NECAB1: variants seen among roughly 807,000 people sequenced by gnomAD.
The protein encoded by NECAB1 is N-terminal EF-hand calcium binding protein 1.
NECAB1 carries 29 observed loss-of-function variants against 57.5 expected under a neutral mutation model. The ratio of observed to expected loss-of-function variants is 0.50; its 90% CI spans 0.38 to 0.69. NECAB1 has a LOEUF of 0.69. NECAB1 is among the 30% of genes least tolerant of loss of function. The pLI is 0.00. For synonymous variants in NECAB1, 142 were observed against 147.7 expected, an observed-to-expected ratio of 0.96 and a Z score of 0.28; for missense variants, 372 against 413.8, an observed-to-expected ratio of 0.90 and a Z score of 0.88.
At chr8:90,834,627 A>G (rs967332721) in intron 3 of NECAB1, among the ~76,000 whole-genome samples, 2 of 152,202 alleles carry the variant, frequency 1.3e-5, no homozygotes, top group African/African-American at 4.8e-5. Flanking sequence ...AGTCTGAAGT[A>G]TTTGTTAGAG....
At chr8:90,925,475 C>T in intron 6 of NECAB1, 60 bp from the exon 7 acceptor site, 1 of 1,577,160 alleles carries the variant, frequency 6.3e-7, no homozygotes, top group Non-Finnish European at 8.6e-7. Context: ...AAGATCTCTT[C>T]CCTGAAGGAA....
chr8:90,911,726 C>G (rs1809835100), intron 5 of NECAB1, among the ~76,000 whole-genome samples: 1 of 152,128 alleles, frequency 6.6e-6, no homozygotes. Flanking sequence ...ACATATTTGT[C>G]CTAGCAATAA....
chr8:90,811,341 G>A (rs1811957441), intron 2 of NECAB1, among the ~76,000 whole-genome samples: 1 of 152,056 alleles, frequency 6.6e-6, no homozygotes, highest in South Asian at 2.1e-4. Context: ...ATTTCAATGC[G>A]TTCACAATGC....
rs1190097165 is a variant in NECAB1, at chr8:90,947,323, C to T, written c.861-2484C>T. Reference sequence around the variant, plus strand: ...ACACATACACACACACACACACACACACACACACACACACACACACACACA... The same window carrying T: ...ACACATACACACACACACACACACATACACACACACACACACACACACACA... On this transcript the variant is annotated intron_variant, in intron 10 of 12. Transcript: ENST00000417640. Among the ~76,000 whole-genome samples, 62 of 148,704 alleles carry T rather than the reference C, an allele frequency of 4.2e-4. 1 individual carries two copies. The highest frequency in any genetic ancestry group is 3.6e-3 in the Admixed American group (53 of 14,756).
chr8:90,853,355 T>C (rs765785945), intron 3 of NECAB1, among the ~76,000 whole-genome samples: 12 of 152,328 alleles, frequency 7.9e-5, no homozygotes, highest in Non-Finnish European at 1.6e-4. Context: ...GTGAGTCCCA[T>C]GAATGGGACA....
At chr8:90,811,771 C>G (rs970105460) in intron 2 of NECAB1, among the ~76,000 whole-genome samples, 1 of 152,082 alleles carries the variant, frequency 6.6e-6, no homozygotes, top group Non-Finnish European at 1.5e-5. Context: ...TGAGATAGTA[C>G]CTAGAACCCA....
intron 5 of NECAB1, among the ~76,000 whole-genome samples, chr8:90,911,651 T>C (rs1201469670): frequency 6.6e-6 from 1 of 152,098 alleles, no homozygotes; most frequent in Non-Finnish European, 1.5e-5. Flanking sequence ...GTAGAAAATA[T>C]GTGTCAAAAA....
At chr8:90,805,257 A>G (rs1811828479) in intron 2 of NECAB1, among the ~76,000 whole-genome samples, 1 of 152,230 alleles carries the variant, frequency 6.6e-6, no homozygotes, top group Admixed American at 6.5e-5. Flanking sequence ...TGCTACATGT[A>G]TTTGAGCTCT....
chr8:90,926,462 G>A (rs1171459299), intron 7 of NECAB1, among the ~76,000 whole-genome samples: 2 of 152,154 alleles, frequency 1.3e-5, no homozygotes, highest in African/African-American at 2.4e-5. Context: ...AAACAAGCCT[G>A]GGAAGTTAAG....
rs1255707072 is a variant in NECAB1 at position 90,956,852 on chromosome 8, TCA to T, written c.*1341_*1342del. On this transcript the variant is annotated 3_prime_UTR_variant, in exon 13 of 13. Coordinates refer to ENST00000417640, the MANE Select transcript of NECAB1 (RefSeq NM_022351.5). ...CTTTTACCAATACCTTTGTATACTC[TCA>T]GTTCTCATTCAGTATAAATAAAATT... 2.0e-5 allele frequency: 3 copies of T among 152,374 alleles called. No individual in the cohort carries two copies. Among genetic ancestry groups the T allele is most frequent in the African/African-American group, 7.2e-5 (3 of 41,386 alleles). The allele number at this position is 152,374 out of a possible 1,614,324, so 9.4% of individuals were successfully genotyped here.
intron 9 of NECAB1, among the ~76,000 whole-genome samples, chr8:90,939,979 CCTTA>C (rs1201473634): frequency 6.6e-6 from 1 of 152,198 alleles, no homozygotes; most frequent in Non-Finnish European, 1.5e-5. Context: ...TCATGCCAAT[CCTTA>C]CTTTGATTTG....
chr8:90,796,467 T>A (rs1240961773), intron 1 of NECAB1, among the ~76,000 whole-genome samples: 1 of 152,244 alleles, frequency 6.6e-6, no homozygotes, highest in Non-Finnish European at 1.5e-5. Context: ...CAGTAAATTA[T>A]GATTGTGTCC....
intron 3 of NECAB1, among the ~76,000 whole-genome samples, chr8:90,855,313 T>G (rs1384966791): frequency 6.6e-6 from 1 of 152,170 alleles, no homozygotes; most frequent in African/African-American, 2.4e-5. Context: ...GGAATAGCCT[T>G]TCTGGGATGA....
intron 5 of NECAB1, among the ~76,000 whole-genome samples, chr8:90,890,714 G>A (rs993779437): frequency 6.6e-6 from 1 of 152,044 alleles, no homozygotes; most frequent in Non-Finnish European, 1.5e-5. Flanking sequence ...AAACAAAGAG[G>A]GTTCCAGATT....
intron 2 of NECAB1, among the ~76,000 whole-genome samples, chr8:90,811,967 G>A (rs553098621): frequency 6.6e-6 from 1 of 152,196 alleles, no homozygotes; most frequent in Non-Finnish European, 1.5e-5. Context: ...GATGATGGGT[G>A]CATAAAGCTG....
chr8:90,801,824 T>C, intron 2 of NECAB1, 109 bp downstream of exon 2: 2 of 727,188 alleles, frequency 2.8e-6, no homozygotes, highest in Non-Finnish European at 4.5e-6. Context: ...ACATATAAAA[T>C]ACTACCTTAT....
At chr8:90,796,718 A>G (rs1586027365) in intron 1 of NECAB1, among the ~76,000 whole-genome samples, 1 of 152,226 alleles carries the variant, frequency 6.6e-6, no homozygotes, top group African/African-American at 2.4e-5. Context: ...AGATCGGCTG[A>G]CACAGATTAT....
intron 3 of NECAB1, among the ~76,000 whole-genome samples, chr8:90,856,742 T>C (rs1273373314): frequency 6.6e-6 from 1 of 152,158 alleles, no homozygotes; most frequent in East Asian, 1.9e-4. Flanking sequence ...TCTGCCAGTA[T>C]CCTTACCTCT....
chr8:90,956,023 T>C lies in NECAB1; in HGVS notation c.*511T>C, dbSNP rs982657271. The C allele has an allele frequency of 6.6e-6, 1 of 152,192 alleles. No homozygotes were observed. Among genetic ancestry groups the C allele is most frequent in the Non-Finnish European group, 1.5e-5 (1 of 68,070 alleles). 9.4% of individuals were successfully genotyped at this position (152,192 alleles called of 1,614,324 possible). A position where few individuals can be genotyped will look rare whatever the true frequency, so the allele number is the denominator to read the frequency against. ...CCAACTCACAGCCCTATGACTACTATCTTTGCATTAGTTAAAAAGTTAGTA... is the reference window on the plus strand; with the variant it reads ...CCAACTCACAGCCCTATGACTACTACCTTTGCATTAGTTAAAAAGTTAGTA... On this transcript the variant is annotated 3_prime_UTR_variant, in exon 13 of 13. Transcript: ENST00000417640.
Sources: allele counts gnomAD v4.1 joint callset (sites outside exome capture counted in the v4.1 genomes callset), GRCh38; gene constraint gnomAD v4.1.1; transcripts MANE v1.5; gene names NCBI Gene and HGNC (gene_info 2026-07-23, HGNC 2026-07-21).